SCAPER: variants seen among roughly 807,000 people sequenced by gnomAD.
SCAPER encodes the protein S-phase cyclin A associated protein in the ER.
A neutral mutation model predicts 182.2 loss-of-function variants in SCAPER; 98 were observed. That is an observed-to-expected ratio of 0.54 (90% confidence interval 0.46 to 0.64). SCAPER has a LOEUF of 0.64. Among genes scored for constraint, SCAPER ranks in the 30% least tolerant of loss-of-function variants. The pLI is 0.00. For synonymous variants in SCAPER, 605 were observed against 564.6 expected, an observed-to-expected ratio of 1.07 and a Z score of -1.01; for missense variants, 1,432 against 1,690.0, an observed-to-expected ratio of 0.85 and a Z score of 2.68.
intron 30 of SCAPER, among the ~76,000 whole-genome samples, chr15:76,351,633 T>G (rs1481391889): frequency 1.3e-5 from 2 of 152,232 alleles, no homozygotes; most frequent in Non-Finnish European, 2.9e-5. Flanking sequence ...CTATGTATTC[T>G]GCAGCTAAAT....
chr15:76,814,333 G>A (rs1358053295), intron 5 of SCAPER, among the ~76,000 whole-genome samples: 1 of 152,084 alleles, frequency 6.6e-6, no homozygotes, highest in Non-Finnish European at 1.5e-5. Context: ...TTAAATTGGA[G>A]GCATCACATT....
At chr15:76,665,118 T>TCA (rs1451967109) in intron 21 of SCAPER, among the ~76,000 whole-genome samples, 1 of 152,174 alleles carries the variant, frequency 6.6e-6, no homozygotes, top group African/African-American at 2.4e-5. Flanking sequence ...GAGGTAATGA[T>TCA]GTACTACACA....
chr15:76,640,793 A>C (rs1049603478), intron 21 of SCAPER, among the ~76,000 whole-genome samples: 1 of 152,228 alleles, frequency 6.6e-6, no homozygotes, highest in Non-Finnish European at 1.5e-5. Flanking sequence ...ACAAAGTTGC[A>C]TGCAGGATTG....
intron 8 of SCAPER, among the ~76,000 whole-genome samples, chr15:76,776,363 T>A (rs893023014): frequency 2.0e-5 from 3 of 152,238 alleles, no homozygotes; most frequent in African/African-American, 7.2e-5. Flanking sequence ...AGGGGTAAAC[T>A]GGGAGCTTAA....
chr15:76,505,175 T>G (rs1237742166), intron 23 of SCAPER, among the ~76,000 whole-genome samples: 3 of 152,114 alleles, frequency 2.0e-5, no homozygotes, highest in Non-Finnish European at 4.4e-5. Context: ...AAACATATGG[T>G]TGCTGTCCTC....
At chr15:76,813,249 A>AAAAAAAAAAAAAAAAAC (rs2066805442) in intron 5 of SCAPER, among the ~76,000 whole-genome samples, 3 of 60,188 alleles carry the variant, frequency 5.0e-5, no homozygotes, top group South Asian at 6.0e-4. Context: ...AAAAAAAAAA[A>AAAAAAAAAAAAAAAAAC]AAAAAACAAC....
At chr15:76,799,382 GC>G (rs1447117819) in intron 7 of SCAPER, among the ~76,000 whole-genome samples, 1 of 25,710 alleles carries the variant, frequency 3.9e-5, no homozygotes, top group Non-Finnish European at 8.1e-5. Flanking sequence ...ACCCGCCCCC[GC>G]CCCCAAATAG....
chr15:76,754,708 T>C (rs1312557184), intron 14 of SCAPER, among the ~76,000 whole-genome samples: 1 of 152,068 alleles, frequency 6.6e-6, no homozygotes, highest in Non-Finnish European at 1.5e-5. Flanking sequence ...TTAATTGTTT[T>C]TTTCTCTCAA....
intron 17 of SCAPER, among the ~76,000 whole-genome samples, chr15:76,716,965 C>T (rs904034722): frequency 6.6e-6 from 1 of 151,850 alleles, no homozygotes; most frequent in Non-Finnish European, 1.5e-5. Flanking sequence ...AGGTTCTCTC[C>T]AAGGTACACT....
At chr15:76,884,056 C>A (rs981630135) in intron 1 of SCAPER, among the ~76,000 whole-genome samples, 180 bp from the exon 2 acceptor site, 2 of 152,074 alleles carry the variant, frequency 1.3e-5, no homozygotes, top group African/African-American at 4.8e-5. Context: ...CTGAACAAGA[C>A]CTCAGTGCTC....
rs1481020194 is a variant in SCAPER, at chr15:76,751,337, CA to C, written c.1866+2470del. On this transcript the variant is annotated intron_variant, in intron 15 of 31. Transcript: ENST00000563290. ...TGTACAGATTCAATGCAATCTTTACCAAAATTCCAATGATGACTCTGCAGAA... is the reference window on the plus strand; with the variant it reads ...TGTACAGATTCAATGCAATCTTTACCAAATTCCAATGATGACTCTGCAGAA... 2.6e-5 allele frequency among the ~76,000 whole-genome samples: 4 copies of C among 151,462 alleles called. No individual in the cohort carries two copies. The East Asian group carries it at 7.7e-4, about 29-fold the overall frequency.
At chr15:76,779,822 TA>T (rs1170670224) in intron 8 of SCAPER, among the ~76,000 whole-genome samples, 3 of 152,116 alleles carry the variant, frequency 2.0e-5, no homozygotes, top group Non-Finnish European at 2.9e-5. Context: ...TATACCAATA[TA>T]TAAACAATTA....
chr15:76,593,731 G>T lies in SCAPER; in HGVS notation c.2712-19447C>A, dbSNP rs530648347. 3.3e-5 allele frequency among the ~76,000 whole-genome samples: 4 copies of T among 121,872 alleles called. 2 individuals are homozygous for T. Among genetic ancestry groups the T allele is most frequent in the African/African-American group, 1.0e-4 (4 of 39,916 alleles). The allele number at this position is 121,872 out of a possible 152,430, so 80.0% of individuals were successfully genotyped here. On this transcript the variant is annotated intron_variant, in intron 22 of 31. Coordinates refer to ENST00000563290, the MANE Select transcript of SCAPER (RefSeq NM_020843.4). ...ACTCCAGCAGACCTGAAGTACAGGGGCCTGATTGTTAGAAGAAAAACTGAC... is the reference window on the plus strand; with the variant it reads ...ACTCCAGCAGACCTGAAGTACAGGGTCCTGATTGTTAGAAGAAAAACTGAC...
At chr15:76,434,428 T>A (rs2047062920) in intron 25 of SCAPER, 118 bp from the exon 26 acceptor site, 1 of 730,574 alleles carries the variant, frequency 1.4e-6, no homozygotes, top group Non-Finnish European at 2.2e-6. Flanking sequence ...TGTTCAAGAG[T>A]GTTGGCTCTG....
chr15:76,851,857 G>T (rs2151833953), intron 4 of SCAPER, among the ~76,000 whole-genome samples: 1 of 151,986 alleles, frequency 6.6e-6, no homozygotes, highest in South Asian at 2.1e-4. Flanking sequence ...AATGTAAATG[G>T]GCTAAATGCC....
chr15:76,877,101 C>T (rs941826387), intron 2 of SCAPER, among the ~76,000 whole-genome samples: 3 of 151,806 alleles, frequency 2.0e-5, no homozygotes, highest in Non-Finnish European at 2.9e-5. Flanking sequence ...GGCCCAGCTA[C>T]TCAGGAGACT....
intron 21 of SCAPER, among the ~76,000 whole-genome samples, chr15:76,653,850 C>G (rs953468728): frequency 1.3e-5 from 2 of 152,034 alleles, no homozygotes; most frequent in African/African-American, 4.8e-5. Context: ...CAAGAATAAG[C>G]AACAAGTGGG....
intron 7 of SCAPER, chr15:76,797,219 C>T (rs1305842333): frequency 1.3e-5 from 2 of 152,148 alleles, no homozygotes; most frequent in Non-Finnish European, 1.5e-5. Flanking sequence ...AAACTACTTA[C>T]CAACCCTTCC....
At chr15:76,577,677 G>A (rs1017581578) in intron 22 of SCAPER, among the ~76,000 whole-genome samples, 8 of 152,142 alleles carry the variant, frequency 5.3e-5, no homozygotes. Context: ...GACTCCTTGG[G>A]CCCTCACGAG....
Sources: allele counts gnomAD v4.1 joint callset (sites outside exome capture counted in the v4.1 genomes callset), GRCh38; gene constraint gnomAD v4.1.1; transcripts MANE v1.5; gene names NCBI Gene and HGNC (gene_info 2026-07-23, HGNC 2026-07-21).